ZFHX3: variants seen among roughly 807,000 people sequenced by gnomAD.
ZFHX3 encodes zinc finger homeobox 3.
ZFHX3 carries 42 observed loss-of-function variants against 279.1 expected under a neutral mutation model. That is an observed-to-expected ratio of 0.15 (90% CI 0.12 to 0.19). The LOEUF is 0.19. ZFHX3 is among the 10% of genes least tolerant of loss of function. The pLI, the probability that ZFHX3 is intolerant of heterozygous loss-of-function variation, is 1.00. For missense variants in ZFHX3, 4,981 were observed against 4,754.0 expected (o/e 1.05, Z -1.40); for synonymous variants, 2,293 against 1,957.8 (o/e 1.17, Z -4.52).
chr16:73,080,041 CT>C (rs1390841399), intron 8 of ZFHX3, among the ~76,000 whole-genome samples: 2 of 152,280 alleles, frequency 1.3e-5, no homozygotes, highest in East Asian at 3.9e-4. Context: ...TTCTTCAACT[CT>C]TTTTCACAGG....
intron 3 of ZFHX3, among the ~76,000 whole-genome samples, chr16:73,430,452 G>C (rs2017890619): frequency 6.6e-6 from 1 of 152,032 alleles, no homozygotes; most frequent in African/African-American, 2.4e-5. Context: ...ATTCTTTCTG[G>C]GCACTGTTCT....
At chr16:73,610,478 A>C (rs1026013046) in intron 2 of ZFHX3, among the ~76,000 whole-genome samples, 5 of 152,194 alleles carry the variant, frequency 3.3e-5, no homozygotes, top group Admixed American at 2.0e-4. Context: ...TCTTGCTCTG[A>C]AAATGCTTTG....
chr16:73,833,092 A>C (rs1485451205), intron 1 of ZFHX3, among the ~76,000 whole-genome samples: 2 of 152,200 alleles, frequency 1.3e-5, no homozygotes, highest in Non-Finnish European at 2.9e-5. Flanking sequence ...TATTTCAAAA[A>C]TTTATTTAGC....
At chr16:73,519,454 TCTTC>T (rs1340831523) in intron 2 of ZFHX3, among the ~76,000 whole-genome samples, 2 of 152,270 alleles carry the variant, frequency 1.3e-5, no homozygotes, top group East Asian at 3.9e-4. Flanking sequence ...TTCCTCCCAT[TCTTC>T]CCTACCTTGG....
At chr16:73,145,086 T>C (rs1966857316) in intron 5 of ZFHX3, among the ~76,000 whole-genome samples, 1 of 152,248 alleles carries the variant, frequency 6.6e-6, no homozygotes, top group Non-Finnish European at 1.5e-5. Flanking sequence ...CCATGGTTTG[T>C]ACATCGTCCT....
chr16:73,296,680 C>T (rs12051252), intron 4 of ZFHX3, among the ~76,000 whole-genome samples: 58,086 of 151,762 alleles, frequency 0.38, 11,264 homozygotes, highest in Middle Eastern at 0.5. Context: ...TAGGCAGTTA[C>T]GTATTTGATC....
chr16:73,072,797 T>G lies in ZFHX3; in HGVS notation c.-532-13785A>C, dbSNP rs545585060. On this transcript the variant is annotated intron_variant, in intron 8 of 17. Transcript: ENST00000641206. The stretch of plus-strand genomic sequence containing the variant: ...GTTGCCCAGGCTGGTCTCGAACTCC[T>G]GGCTTCAAGTATCCTCCCACCTCTG... Among the ~76,000 whole-genome samples, 19 of 152,304 alleles carry G rather than the reference T, an allele frequency of 1.2e-4. No homozygotes were observed. In the South Asian group the frequency reaches 3.7e-3, roughly 30 times the overall value.
chr16:73,411,813 A>G (rs780120756), intron 3 of ZFHX3, among the ~76,000 whole-genome samples: 2 of 151,500 alleles, frequency 1.3e-5, no homozygotes, highest in Non-Finnish European at 2.9e-5. Flanking sequence ...CAGCATCCTT[A>G]CTCCTGTTGT....
intron 2 of ZFHX3, among the ~76,000 whole-genome samples, chr16:73,664,814 G>A (rs551985362): frequency 1.3e-5 from 2 of 152,160 alleles, no homozygotes; most frequent in East Asian, 1.9e-4. Context: ...AGATACACCC[G>A]GAGGAAAGTA....
At chr16:73,284,200 C>T (rs2014531547) in intron 4 of ZFHX3, among the ~76,000 whole-genome samples, 2 of 150,900 alleles carry the variant, frequency 1.3e-5, no homozygotes, top group Non-Finnish European at 2.9e-5. Context: ...GCCTGTGATC[C>T]CAGCTACACA....
At chr16:73,775,085 G>A (rs1324019591) in intron 1 of ZFHX3, among the ~76,000 whole-genome samples, 2 of 152,068 alleles carry the variant, frequency 1.3e-5, no homozygotes, top group Admixed American at 1.3e-4. Flanking sequence ...CAGCTTAAGG[G>A]ACAAACAAGA....
chr16:73,701,929 T>TA (rs909521991), intron 1 of ZFHX3, among the ~76,000 whole-genome samples: 1 of 151,550 alleles, frequency 6.6e-6, no homozygotes, highest in Admixed American at 6.6e-5. Context: ...ACTGCACCCG[T>TA]AAAAAAAGCA....
intron 1 of ZFHX3, among the ~76,000 whole-genome samples, chr16:73,688,587 T>C (rs895400419): frequency 3.3e-5 from 5 of 152,122 alleles, no homozygotes; most frequent in Admixed American, 1.3e-4. Flanking sequence ...CTGCATCTGC[T>C]GGTGCCTGGA....
intron 3 of ZFHX3, among the ~76,000 whole-genome samples, chr16:72,940,519 G>A (rs1342486949): frequency 6.6e-6 from 1 of 152,106 alleles, no homozygotes; most frequent in African/African-American, 2.4e-5. Context: ...CGGATGCCCC[G>A]GTGTGACACG....
chr16:72,922,360 A>AGGCCC (rs2039606523), intron 3 of ZFHX3, among the ~76,000 whole-genome samples: 1 of 152,174 alleles, frequency 6.6e-6, no homozygotes. Flanking sequence ...CCTGTCCCAG[A>AGGCCC]CAAACAACCT....
chr16:73,522,115 T>A (rs572488660), intron 2 of ZFHX3, among the ~76,000 whole-genome samples: 19 of 152,320 alleles, frequency 1.2e-4, no homozygotes, highest in African/African-American at 3.8e-4. Context: ...TCAATGAAGT[T>A]TGACATCACA....
chr16:73,307,047 T>C (rs2015198604), intron 4 of ZFHX3, among the ~76,000 whole-genome samples: 1 of 152,224 alleles, frequency 6.6e-6, no homozygotes, highest in Admixed American at 6.5e-5. Context: ...ATGGAGGTGA[T>C]AAGATCACTG....
At chr16:73,741,983 C>T (rs1053288273) in intron 1 of ZFHX3, among the ~76,000 whole-genome samples, 1 of 152,108 alleles carries the variant, frequency 6.6e-6, no homozygotes, top group African/African-American at 2.4e-5. Context: ...AAGAATAAAC[C>T]AGAAGTCCAG....
At chr16:73,014,754 C>T (rs1193278351) in intron 1 of ZFHX3, among the ~76,000 whole-genome samples, 1 of 151,820 alleles carries the variant, frequency 6.6e-6, no homozygotes, top group African/African-American at 2.4e-5. Flanking sequence ...CCTCATGATC[C>T]ACCTGCCTCG....
Sources: gnomAD v4.1 joint callset for allele counts (sites outside exome capture counted in the v4.1 genomes callset) on GRCh38, gnomAD v4.1.1 for gene constraint, MANE v1.5 for transcripts, NCBI Gene and HGNC (gene_info 2026-07-23, HGNC 2026-07-21) for gene names.